Variants in DNAH2 observed in about 807,000 individuals in gnomAD.
DNAH2 encodes axonemal beta dynein heavy chain 2.
A neutral mutation model predicts 523.5 loss-of-function variants in DNAH2; 323 were observed. That is an observed-to-expected ratio of 0.62 (90% CI 0.56 to 0.68). DNAH2 has a LOEUF of 0.68. Ranked by LOEUF, DNAH2 falls within the 30% of genes least tolerant of loss-of-function variation. The pLI is 0.00. For missense variants in DNAH2, 4,907 were observed against 5,701.5 expected (o/e 0.86, Z 4.49); for synonymous variants, 2,093 against 2,177.4 (o/e 0.96, Z 1.08).
At chr17:7,732,434 C>CAAAAAAA (rs796065817) in intron 4 of DNAH2, among the ~76,000 whole-genome samples, 1 of 54,632 alleles carries the variant, frequency 1.8e-5, no homozygotes, top group African/African-American at 6.6e-5. Context: ...GACTCCATCT[C>CAAAAAAA]AAAAAAAAAA....
Position 7,818,949 on chromosome 17 carries a change from G to A in DNAH2, c.10701G>A (p.Leu3567=), listed in dbSNP as rs1325126227. The part of the protein sequence containing the change: ...RLLNEATGSL[L]DDVQLVNTLH... ...TGAATGAGGCCACCGGCTCCCTGCT[G>A]GATGATGTGCAGCTGGTGAACACGC... The change falls in exon 71 of 86, where the codon CTG becomes CTA. Residue 3567 remains leucine (L), a synonymous_variant. Transcript: ENST00000572933. 1 of 1,612,556 alleles carries A rather than the reference G, an allele frequency of 6.2e-7. No individual in the cohort carries two copies. The highest frequency in any genetic ancestry group is 1.7e-4 in the Middle Eastern group (1 of 6,056).
chr17:7,766,282 A>G, intron 21 of DNAH2, 36 bp from the exon 22 acceptor site: 1 of 1,600,854 alleles, frequency 6.2e-7, no homozygotes, highest in Non-Finnish European at 8.5e-7. Context: ...GCCAGACGTG[A>G]GCGGGAAGCT....
At chr17:7,804,196 AG>A (rs1384497285) in intron 58 of DNAH2, 59 bp from the exon 59 acceptor site, 1 of 1,569,600 alleles carries the variant, frequency 6.4e-7, no homozygotes, top group African/African-American at 1.3e-5. Context: ...TGGACCTTAC[AG>A]GACACCGCGC....
At chr17:7,797,038 G>A (rs991770442) in intron 50 of DNAH2, 138 bp from the exon 51 acceptor site, 3 of 757,176 alleles carry the variant, frequency 4.0e-6, no homozygotes, top group Non-Finnish European at 4.3e-6. Context: ...GGAGGCAGAG[G>A]TTGCAGTGAG....
At chr17:7,826,338 C>G (rs2078017459) in intron 77 of DNAH2, among the ~76,000 whole-genome samples, 1 of 152,058 alleles carries the variant, frequency 6.6e-6, no homozygotes, top group Admixed American at 6.6e-5. Flanking sequence ...CTGAGTTTTA[C>G]TTCAAATAAG....
chr17:7,750,132 C>G (rs564046869), intron 12 of DNAH2, among the ~76,000 whole-genome samples: 1 of 152,178 alleles, frequency 6.6e-6, no homozygotes, highest in African/African-American at 2.4e-5. Flanking sequence ...GATCCACACA[C>G]CTCAGCCTCC....
Position 7,801,921 on chromosome 17 carries a change from C to T in DNAH2, c.8876C>T (p.Ser2959Leu). The stretch of plus-strand genomic sequence containing the variant: ...CAGATCTTTGTCACTATGCACTGGT[C>T]AGTAGCTCAGTATTCCCAGAAGATG... The part of the protein sequence containing the change: ...VAQIFVTMHW[S>L]VAQYSQKMLL... Residue 2959 changes from serine to leucine, a missense_variant, in exon 58 of 86, where the codon TCA becomes TTA. Transcript: ENST00000572933. The T allele has an allele frequency of 6.2e-7, 1 of 1,614,210 alleles. No homozygotes were observed. Among genetic ancestry groups the T allele is most frequent in the Non-Finnish European group, 8.5e-7 (1 of 1,180,054 alleles).
chr17:7,830,635 G>A (rs1488358315), intron 78 of DNAH2, 23 bp from the exon 79 acceptor site: 1 of 1,612,578 alleles, frequency 6.2e-7, no homozygotes, highest in African/African-American at 1.3e-5. Context: ...GGGAATGGGG[G>A]CTTGGGCTGG....
Position 7,798,370 on chromosome 17 carries a change from T to C in DNAH2, c.8398+46T>C, listed in dbSNP as rs1245030637. Reference sequence around the variant, plus strand: ...TGCTAGGAATAAAAGATCAGATGCATACATTCCTGCAGTGACAAGAGAGGA... The same window carrying C: ...TGCTAGGAATAAAAGATCAGATGCACACATTCCTGCAGTGACAAGAGAGGA... On this transcript the variant is annotated intron_variant, in intron 54 of 85. Coordinates refer to ENST00000572933, the MANE Select transcript of DNAH2 (RefSeq NM_020877.5). This position sits in a 1 kb window ranked among gnomAD's most constrained non-coding sequence, Gnocchi z 5.5. 6.3e-7 allele frequency: 1 copy of C among 1,576,686 alleles called. No individual in the cohort carries two copies. The highest frequency in any genetic ancestry group is 1.7e-5 in the Admixed American group (1 of 58,094).
At position 7,775,301 on chromosome 17, in the gene DNAH2, A is replaced by G. The variant is rs769331571; in HGVS notation, c.4780A>G (p.Ile1594Val). 10 of 1,613,328 alleles carry G rather than the reference A, an allele frequency of 6.2e-6. No homozygotes were observed. The highest frequency in any genetic ancestry group is 1.7e-4 in the Middle Eastern group (1 of 6,050). Residue 1594 changes from isoleucine to valine, a missense_variant, in exon 30 of 86, where the codon ATT (isoleucine) becomes GTT (valine). This residue lies in a region of DNAH2 where 2,806 missense variants were observed against 3,190.8 expected (regional missense o/e 0.88). Coordinates refer to ENST00000572933, the MANE Select transcript of DNAH2 (RefSeq NM_020877.5). ...VGMFSGDGEYIDFLHSVFLEG... is the reference protein window; with the variant it reads ...VGMFSGDGEYVDFLHSVFLEG... The stretch of plus-strand genomic sequence containing the variant: ...GATGTTCTCGGGCGACGGCGAGTAC[A>G]TTGACTTCCTCCACTCAGTATTTTT...
chr17:7,794,404 G>A (rs2077007878), intron 49 of DNAH2, 46 bp downstream of exon 49: 1 of 1,536,484 alleles, frequency 6.5e-7, no homozygotes, highest in Non-Finnish European at 8.9e-7. Flanking sequence ...GGTAGGAGGT[G>A]AAACGTGTCT....
At chr17:7,721,302 T>A (rs1329654734) in intron 2 of DNAH2, among the ~76,000 whole-genome samples, 2 of 152,152 alleles carry the variant, frequency 1.3e-5, no homozygotes, top group Admixed American at 6.5e-5. Context: ...GCCTCCTGAG[T>A]AGCTGGGATT....
chr17:7,833,315 C>T, intron 85 of DNAH2, 64 bp from the exon 86 acceptor site: 2 of 1,608,522 alleles, frequency 1.2e-6, no homozygotes, highest in South Asian at 2.2e-5. Flanking sequence ...CCCGCTCCTG[C>T]CCTGCTCCTG....
chr17:7,719,893 G>A lies in DNAH2; in HGVS notation c.159G>A (p.Glu53=). 6.5e-7 allele frequency: 1 copy of A among 1,541,156 alleles called. No individual in the cohort carries two copies. Among genetic ancestry groups the A allele is most frequent in the Non-Finnish European group, 8.7e-7 (1 of 1,144,900 alleles). The change falls in exon 2 of 86, where the codon GAG becomes GAA. Residue 53 remains glutamate (E), a synonymous_variant. Transcript: ENST00000572933. ...EPELQAELPK[E]EPEPRLEGPQ... ...AGCTGCAGGCTGAGCTCCCCAAGGA[G>A]GAGCCTGGTGGGTACTTGCTGGGGC...
intron 4 of DNAH2, among the ~76,000 whole-genome samples, chr17:7,729,787 G>A (rs1408545376): frequency 6.6e-6 from 1 of 152,134 alleles, no homozygotes; most frequent in Non-Finnish European, 1.5e-5. Context: ...CTAACCACCT[G>A]TCCATTTCCC....
At position 7,818,970 on chromosome 17, in the gene DNAH2, C is replaced by G; in HGVS notation, c.10722C>G (p.Asn3574Lys). 1.2e-6 allele frequency: 2 copies of G among 1,612,302 alleles called. No homozygotes were observed. Among genetic ancestry groups the G allele is most frequent in the Non-Finnish European group, 1.7e-6 (2 of 1,179,966 alleles). ...GSLLDDVQLV[N>K]TLHTSKITAT... ...TGCTGGATGATGTGCAGCTGGTGAA[C>G]ACGCTGCATACCTCCAAGATCACAG... Residue 3574 changes from asparagine (N) to lysine (K), a missense_variant, in exon 71 of 86, where the codon AAC becomes AAG. Around this residue, in one of 3 missense-constraint regions of DNAH2, gnomAD observed 1,851 missense variants for 2,139.4 expected, o/e 0.87. Coordinates refer to ENST00000572933, the MANE Select transcript of DNAH2 (RefSeq NM_020877.5).
chr17:7,832,744 C>A lies in DNAH2; in HGVS notation c.12892C>A (p.Arg4298Ser). ...FLTAVLQSSARQNNVSVDSLS... is the reference protein window; with the variant it reads ...FLTAVLQSSASQNNVSVDSLS... ...CACTGCTGTGCTGCAGTCTTCAGCT[C>A]GCCAAAACAACGTGAGCAATGTGCA... is the stretch of plus-strand genomic sequence containing the variant. The change falls in exon 83 of 86, where the codon CGC becomes AGC. Residue 4298 changes from arginine to serine, a missense_variant. By Grantham distance (110) the Arg-to-Ser change is moderately radical (BLOSUM62 -1). Coordinates refer to ENST00000572933, the MANE Select transcript of DNAH2 (RefSeq NM_020877.5). The surrounding 1 kb of genome is among the most constrained non-coding windows in gnomAD (Gnocchi z 4.3). The A allele has an allele frequency of 6.2e-7, 1 of 1,614,042 alleles. No individual in the cohort carries two copies. The highest frequency in any genetic ancestry group is 1.1e-5 in the South Asian group (1 of 91,080).
intron 77 of DNAH2, 22 bp from the exon 78 acceptor site, chr17:7,830,278 C>A: frequency 1.2e-6 from 2 of 1,605,692 alleles, no homozygotes; most frequent in Non-Finnish European, 1.7e-6. Flanking sequence ...GTCACCCCAT[C>A]TTTATATTTC....
In DNAH2 at chr17:7,760,669, T is replaced by C. The variant is rs1054996400; in HGVS notation, c.2786-71T>C. On this transcript the variant is annotated intron_variant, in intron 17 of 85. Transcript: ENST00000572933. This position sits in a 1 kb window ranked among gnomAD's most constrained non-coding sequence, Gnocchi z 4.0. The stretch of plus-strand genomic sequence containing the variant: ...TTTTAGAGTGGAAGGTCTGGAGCAG[T>C]GGGCAGGGCTCAGGCAGAAGTTGGG... 1.3e-5 allele frequency: 20 copies of C among 1,482,186 alleles called. No individual in the cohort carries two copies. The highest frequency in any genetic ancestry group is 3.9e-5 in the Admixed American group (2 of 50,694). The allele number at this position is 1,482,186 out of a possible 1,614,324, so 91.8% of individuals were successfully genotyped here.
Sources: allele counts gnomAD v4.1 joint callset (sites outside exome capture counted in the v4.1 genomes callset), GRCh38; gene constraint gnomAD v4.1.1; regional missense constraint gnomAD v4.1.1; non-coding constraint Gnocchi (gnomAD v3.1); transcripts MANE v1.5; gene names NCBI Gene and HGNC (gene_info 2026-07-23, HGNC 2026-07-21).